ACP6: variants seen among roughly 807,000 people sequenced by gnomAD.
ACP6 encodes the protein acid phosphatase 6, lysophosphatidic.
A neutral mutation model predicts 48.1 loss-of-function variants in ACP6; 48 were observed. That is an observed-to-expected ratio of 1.00 (90% confidence interval 0.79 to 1.27). The LOEUF is 1.27. Ranked by LOEUF, ACP6 falls within the 50% of genes most tolerant of loss-of-function variation. ACP6 has a pLI of 0.00. For synonymous variants in ACP6, 172 were observed against 204.2 expected (o/e 0.84, Z 1.34); for missense variants, 485 against 529.1 (o/e 0.92, Z 0.82).
In ACP6 at chr1:147,659,584, A is replaced by T. The variant is rs1171650239; in HGVS notation, c.349-58T>A. 4 of 1,613,714 alleles carry T rather than the reference A, an allele frequency of 2.5e-6. No homozygotes were observed. The South Asian group carries it at 4.4e-5, about 18-fold the overall frequency. Reference sequence around the variant, plus strand: ...AAACACCTGACAGCCTGCTGAACTCAGCCCAGAGAAAACAACCCAACCTTT... The same window carrying T: ...AAACACCTGACAGCCTGCTGAACTCTGCCCAGAGAAAACAACCCAACCTTT... On this transcript the variant is annotated intron_variant, in intron 2 of 9. Transcript: ENST00000583509.
chr1:147,665,106 T>C (rs3766507), intron 1 of ACP6, among the ~76,000 whole-genome samples: 25,767 of 152,162 alleles, frequency 0.17, 2,551 homozygotes, highest in East Asian at 0.33. Context: ...TAGATTTGTA[T>C]GTATAAAGGC....
downstream of ACP6, among the ~76,000 whole-genome samples, chr1:147,638,394 T>A (rs1351963526): frequency 6.6e-6 from 1 of 152,212 alleles, no homozygotes; most frequent in East Asian, 1.9e-4. Flanking sequence ...TCAACCTGGG[T>A]AGTCTATCTG....
rs1188925554 is a variant in ACP6, at chr1:147,642,983, T to G, written c.*4440A>C. 6.6e-6 allele frequency: 1 copy of G among 152,228 alleles called. No homozygotes were observed. Among genetic ancestry groups the G allele is most frequent in the African/African-American group, 2.4e-5 (1 of 41,444 alleles). 9.4% of individuals were successfully genotyped at this position (152,228 alleles called of 1,614,324 possible). ...GATCGTGGTGTCAGCAGCATTGGTT[T>G]CTTCTGAGGCCTCTCTCCTTGACTT... On this transcript the variant is annotated 3_prime_UTR_variant, in exon 10 of 10. Transcript: ENST00000583509.
intron 1 of ACP6, among the ~76,000 whole-genome samples, chr1:147,667,935 A>G (rs587720720): frequency 2.0e-5 from 3 of 152,122 alleles, no homozygotes; most frequent in Non-Finnish European, 4.4e-5. Flanking sequence ...GGTTGCGGTG[A>G]GCCGAGATCG....
chr1:147,657,806 G>A (rs587770019), intron 4 of ACP6, among the ~76,000 whole-genome samples: 22 of 152,340 alleles, frequency 1.4e-4, no homozygotes, highest in African/African-American at 4.8e-4. Context: ...CCCAACAACT[G>A]TAGGTCCAGC....
downstream of ACP6, among the ~76,000 whole-genome samples, chr1:147,641,065 T>C (rs1659435298): frequency 6.6e-6 from 1 of 152,130 alleles, no homozygotes. Flanking sequence ...TCCTGGCATG[T>C]TGTAGACAGG....
At chr1:147,647,957 C>A (rs1659708094) in intron 9 of ACP6, 4 of 502,192 alleles carry the variant, frequency 8.0e-6, no homozygotes, top group Non-Finnish European at 1.4e-5. Flanking sequence ...GGTCTCACAG[C>A]CAGGAGGCGA....
intron 1 of ACP6, among the ~76,000 whole-genome samples, chr1:147,668,831 C>T (rs1553214080): frequency 6.6e-6 from 1 of 152,116 alleles, no homozygotes; most frequent in East Asian, 1.9e-4. Context: ...TCATGTGCGG[C>T]CAACCTTGAA....
At chr1:147,669,624 TG>T (rs1660978858) in intron 1 of ACP6, among the ~76,000 whole-genome samples, 1 of 152,218 alleles carries the variant, frequency 6.6e-6, no homozygotes, top group Non-Finnish European at 1.5e-5. Context: ...AGGGCAAAAC[TG>T]GAAGTTCCGG....
intron 5 of ACP6, among the ~76,000 whole-genome samples, chr1:147,632,909 C>T (rs1416572931): frequency 6.6e-6 from 1 of 152,060 alleles, no homozygotes; most frequent in Non-Finnish European, 1.5e-5. Context: ...ACCCCCAAGA[C>T]TTCATTGGAT....
Position 147,647,417 on chromosome 1 carries a change from A to C in ACP6, c.*6T>G. 1 of 1,613,904 alleles carries C rather than the reference A, an allele frequency of 6.2e-7. No individual in the cohort carries two copies. Among genetic ancestry groups the C allele is most frequent in the South Asian group, 1.1e-5 (1 of 91,054 alleles). On this transcript the variant is annotated 3_prime_UTR_variant, in exon 10 of 10. Transcript: ENST00000583509. ...AAAATCAACACATCCTGCTTTTATA[A>C]ATCAGTTACTCTTCATTTCCAACTT...
At chr1:147,657,223 T>G (rs1570966932) in intron 4 of ACP6, among the ~76,000 whole-genome samples, 1 of 152,202 alleles carries the variant, frequency 6.6e-6, no homozygotes, top group African/African-American at 2.4e-5. Context: ...TTATGATAAA[T>G]AAGGCACACT....
At chr1:147,639,097 T>A (rs1216309556), downstream of ACP6, among the ~76,000 whole-genome samples, 2 of 152,170 alleles carry the variant, frequency 1.3e-5, no homozygotes, top group Non-Finnish European at 2.9e-5. Context: ...GCTCAAGCGA[T>A]CCTCTGACCT....
In ACP6 at chr1:147,667,377, C is replaced by T. The variant is rs587659473; in HGVS notation, c.219+2453G>A. Among the ~76,000 whole-genome samples the T allele has an allele frequency of 9.2e-5, 14 of 152,086 alleles. No individual in the cohort carries two copies. The East Asian group carries it at 2.3e-3, about 25-fold the overall frequency. On this transcript the variant is annotated intron_variant, in intron 1 of 9. Transcript: ENST00000583509. ...GGATTACAGGCGCCCACCACCACACCGGGCTAATTTTTGTATTTTTAGTAG... is the reference window on the plus strand; with the variant it reads ...GGATTACAGGCGCCCACCACCACACTGGGCTAATTTTTGTATTTTTAGTAG...
chr1:147,639,178 C>T (rs1271277947), downstream of ACP6, among the ~76,000 whole-genome samples: 2 of 152,178 alleles, frequency 1.3e-5, no homozygotes, highest in Non-Finnish European at 2.9e-5. Flanking sequence ...GTTCAGAATC[C>T]ATTAAATCTC....
At chr1:147,649,173 T>C (rs1295058558) in intron 8 of ACP6, among the ~76,000 whole-genome samples, 1 of 152,206 alleles carries the variant, frequency 6.6e-6, no homozygotes, top group African/African-American at 2.4e-5. Context: ...CTATTCCTCT[T>C]ACGCCATCAT....
At chr1:147,668,469 G>C (rs182527583) in intron 1 of ACP6, among the ~76,000 whole-genome samples, 2 of 151,652 alleles carry the variant, frequency 1.3e-5, no homozygotes, top group Non-Finnish European at 2.9e-5. Flanking sequence ...CACATTCAAA[G>C]TTTTACTCTC....
intron 8 of ACP6, 45 bp from the exon 9 acceptor site, chr1:147,648,456 T>C: frequency 1.9e-6 from 3 of 1,607,304 alleles, no homozygotes; most frequent in South Asian, 2.2e-5. Context: ...CTCAGGACTC[T>C]GAAGGTCAGG....
chr1:147,659,553 G>A (rs895860702), intron 2 of ACP6, 27 bp from the exon 3 acceptor site: 1 of 1,608,698 alleles, frequency 6.2e-7, no homozygotes, highest in Non-Finnish European at 8.5e-7. Context: ...AGAGAAAGAA[G>A]AATGAAAACA....
Sources: allele counts gnomAD v4.1 joint callset (sites outside exome capture counted in the v4.1 genomes callset), GRCh38; gene constraint gnomAD v4.1.1; transcripts MANE v1.5; gene names NCBI Gene and HGNC (gene_info 2026-07-23, HGNC 2026-07-21).